NAA25: variants seen among roughly 807,000 people sequenced by gnomAD.
The protein encoded by NAA25 is N-terminal acetyltransferase B complex subunit NAA25.
In NAA25, 30 loss-of-function variants were observed where a neutral mutation model predicts 132.5. That is an observed-to-expected ratio of 0.23 (90% CI 0.17 to 0.31). The LOEUF is 0.31. NAA25 is among the 10% of genes least tolerant of loss of function. The pLI is 1.00. For missense variants in NAA25, 771 were observed against 1,150.4 expected (o/e 0.67, Z 4.77); for synonymous variants, 359 against 401.9 (o/e 0.89, Z 1.28).
Position 112,091,559 on chromosome 12 carries a change from G to A in NAA25, c.145-695C>T, listed in dbSNP as rs1457621916. Among the ~76,000 whole-genome samples the A allele has an allele frequency of 3.9e-5, 6 of 152,232 alleles. No individual in the cohort carries two copies. The East Asian group carries it at 9.7e-4, about 25-fold the overall frequency. On this transcript the variant is annotated intron_variant, in intron 2 of 23. Coordinates refer to ENST00000261745, the MANE Select transcript of NAA25 (RefSeq NM_024953.4). ...AGTTTAAATATTAGCCAGGTGTGGT[G>A]GTGCACATCTGTGGTCCCAGCTACT...
At chr12:112,072,149 G>T in intron 9 of NAA25, 85 bp from the exon 10 acceptor site, 337 of 775,240 alleles carry the variant, frequency 4.3e-4, no homozygotes, top group Middle Eastern at 8.7e-4. Flanking sequence ...CATTTAAAAA[G>T]AGAAAAACGA....
At chr12:112,100,113 G>A (rs2079271285) in intron 1 of NAA25, among the ~76,000 whole-genome samples, 1 of 152,176 alleles carries the variant, frequency 6.6e-6, no homozygotes, top group Admixed American at 6.5e-5. Context: ...AAGGGACAAG[G>A]ATGAACCTAA....
At chr12:112,061,464 G>T in intron 11 of NAA25, 76 bp from the exon 12 acceptor site, 2 of 1,043,600 alleles carry the variant, frequency 1.9e-6, no homozygotes. Context: ...AACAGAAATT[G>T]AATGGTCTAG....
intron 1 of NAA25, among the ~76,000 whole-genome samples, chr12:112,094,517 T>C (rs2079184899): frequency 1.3e-5 from 2 of 152,190 alleles, no homozygotes; most frequent in Admixed American, 6.6e-5. Context: ...CAATGAAATA[T>C]ATTTAATGAG....
chr12:112,086,505 AAAG>A (rs1434697029), intron 4 of NAA25, among the ~76,000 whole-genome samples: 1 of 152,006 alleles, frequency 6.6e-6, no homozygotes, highest in Non-Finnish European at 1.5e-5. Flanking sequence ...AAAAAAGAAA[AAAG>A]AAGAAAAAAA....
intron 11 of NAA25, among the ~76,000 whole-genome samples, chr12:112,061,819 T>C (rs2078634025): frequency 2.6e-5 from 4 of 152,158 alleles, no homozygotes; most frequent in Non-Finnish European, 4.4e-5. Flanking sequence ...AAAGGAAAGG[T>C]TATACATGGA....
At chr12:112,057,695 A>C (rs541220998) in intron 13 of NAA25, among the ~76,000 whole-genome samples, 15 of 152,272 alleles carry the variant, frequency 9.9e-5, no homozygotes, top group African/African-American at 3.6e-4. Flanking sequence ...TCCCTACTAA[A>C]AATACAAAAA....
intron 2 of NAA25, among the ~76,000 whole-genome samples, chr12:112,092,393 G>A (rs559206663): frequency 1.3e-5 from 2 of 152,286 alleles, no homozygotes; most frequent in Non-Finnish European, 2.9e-5. Flanking sequence ...GGGAGGCTGA[G>A]GCAGGAGGAT....
chr12:112,099,557 T>C (rs76317979), intron 1 of NAA25, among the ~76,000 whole-genome samples: 2,009 of 152,138 alleles, frequency 0.013, 53 homozygotes, highest in African/African-American at 0.046. Context: ...CGATAGAAAT[T>C]TGGGAAGAAC....
chr12:112,044,008 A>C, intron 17 of NAA25, 140 bp from the exon 18 acceptor site: 1 of 810,466 alleles, frequency 1.2e-6, no homozygotes, highest in Non-Finnish European at 1.9e-6. Flanking sequence ...GCTCACTGCA[A>C]GCTCTGCCTC....
Position 112,028,045 on chromosome 12 carries a change from A to G in NAA25, c.*1486T>C, listed in dbSNP as rs2078105433. 1 of 152,246 alleles carries G rather than the reference A, an allele frequency of 6.6e-6. No homozygotes were observed. Among genetic ancestry groups the G allele is most frequent in the Non-Finnish European group, 1.5e-5 (1 of 68,036 alleles). 9.4% of individuals were successfully genotyped at this position (152,246 alleles called of 1,614,324 possible). On this transcript the variant is annotated 3_prime_UTR_variant, in exon 24 of 24. Coordinates refer to ENST00000261745, the MANE Select transcript of NAA25 (RefSeq NM_024953.4). The stretch of plus-strand genomic sequence containing the variant: ...GGAAGTTTAAGCACTGTATCAAATT[A>G]TGAATCTAAGAAAGTCAAAATGAAG...
At position 112,048,322 on chromosome 12, in the gene NAA25, A is replaced by G; in HGVS notation, c.1850T>C (p.Met617Thr). The part of the protein sequence containing the change: ...LHFAQVRTER[M>T]LLDLLLEANI... ...TGCTTCAAGTAGAAGGTCTAACAGC[A>G]TCCGTTCAGTACGGACTTGTGCAAA... is the stretch of plus-strand genomic sequence containing the variant. Residue 617 changes from methionine to threonine, a missense_variant, in exon 16 of 24, where the codon ATG (methionine) becomes ACG (threonine). Met to Thr is a moderately conservative substitution (Grantham distance 81, BLOSUM62 -1). Around this residue, in one of 3 missense-constraint regions of NAA25, gnomAD observed 417 missense variants for 733.8 expected, o/e 0.57. Coordinates refer to ENST00000261745, the MANE Select transcript of NAA25 (RefSeq NM_024953.4). The G allele has an allele frequency of 6.2e-7, 1 of 1,613,982 alleles. No homozygotes were observed. The highest frequency in any genetic ancestry group is 1.1e-5 in the South Asian group (1 of 91,074).
rs113836033 is a variant in NAA25, at chr12:112,085,324, A to G, written c.402+2359T>C. ...GGAGAATCTCTTGAACCTGGGAGGC[A>G]GAGTTTGCAGTAAGCTGAGATCACG... On this transcript the variant is annotated intron_variant, in intron 4 of 23. Coordinates refer to ENST00000261745, the MANE Select transcript of NAA25 (RefSeq NM_024953.4). Among the ~76,000 whole-genome samples, 766 of 137,816 alleles carry G rather than the reference A, an allele frequency of 5.6e-3. 4 individuals carry two copies. Among genetic ancestry groups the G allele is most frequent in the African/African-American group, 0.019 (711 of 37,246 alleles). 90.4% of individuals were successfully genotyped at this position (137,816 alleles called of 152,430 possible). A position where few individuals can be genotyped will look rare whatever the true frequency, so the allele number is the denominator to read the frequency against.
chr12:112,055,520 C>A (rs569242573), intron 13 of NAA25, among the ~76,000 whole-genome samples: 1 of 152,116 alleles, frequency 6.6e-6, no homozygotes, highest in African/African-American at 2.4e-5. Flanking sequence ...CATAGCTAGA[C>A]CTCGTCTCTA....
intron 4 of NAA25, among the ~76,000 whole-genome samples, chr12:112,081,762 T>A (rs1430527382): frequency 6.6e-6 from 1 of 152,220 alleles, no homozygotes; most frequent in Admixed American, 6.5e-5. Context: ...AAAAACTCCA[T>A]CAGGTAATTT....
chr12:112,086,073 T>TATATATACATACACACACAC (rs759148501), intron 4 of NAA25, among the ~76,000 whole-genome samples: 1 of 53,986 alleles, frequency 1.9e-5, no homozygotes, highest in African/African-American at 1.2e-4. Context: ...TATATATATA[T>TATATATACATACACACACAC]ACACACACAC....
At position 112,074,731 on chromosome 12, in the gene NAA25, G is replaced by C. The variant is rs775699946; in HGVS notation, c.810C>G (p.Phe270Leu). Residue 270 changes from phenylalanine (F) to leucine (L), a missense_variant, in exon 9 of 24, where the codon TTC (phenylalanine) becomes TTG (leucine). Physicochemically the swap from Phe to Leu is conservative, Grantham distance 22. This residue lies in a region of NAA25 where 417 missense variants were observed against 733.8 expected (regional missense o/e 0.57). Transcript: ENST00000261745. ...SDDWQFYLTY[F>L]DSVFRLIEEA... The stretch of plus-strand genomic sequence containing the variant: ...CTTCAATCAGTCGAAAGACAGAATC[G>C]AAATAAGTCAGATAGAACTGCCAGT... 2 of 1,611,824 alleles carry C rather than the reference G, an allele frequency of 1.2e-6. No individual in the cohort carries two copies. The highest frequency in any genetic ancestry group is 2.2e-5 in the South Asian group (2 of 90,438).
intron 4 of NAA25, among the ~76,000 whole-genome samples, chr12:112,086,073 TACACACACACAC>T (rs1555238727): frequency 5.6e-5 from 3 of 53,964 alleles, no homozygotes; most frequent in Admixed American, 3.0e-4. Flanking sequence ...TATATATATA[TACACACACACAC>T]ACACACACAC....
chr12:112,056,367 T>C (rs927188652), intron 13 of NAA25, among the ~76,000 whole-genome samples: 1 of 151,156 alleles, frequency 6.6e-6, no homozygotes, highest in African/African-American at 2.4e-5. Context: ...AAATAAAAAA[T>C]TTAAAAAAAT....
Sources: allele counts gnomAD v4.1 joint callset (sites outside exome capture counted in the v4.1 genomes callset), GRCh38; gene constraint gnomAD v4.1.1; regional missense constraint gnomAD v4.1.1; transcripts MANE v1.5; gene names NCBI Gene and HGNC (gene_info 2026-07-23, HGNC 2026-07-21).